CACNA1C: variants seen among roughly 807,000 people sequenced by gnomAD.
CACNA1C encodes the protein calcium voltage-gated channel subunit alpha1 C, also known as voltage-dependent L-type calcium channel subunit alpha-1C.
In CACNA1C, 30 loss-of-function variants were observed where a neutral mutation model predicts 229.0. The observed-to-expected ratio is 0.13, with a 90% CI of 0.10 to 0.18. CACNA1C has a LOEUF of 0.18. Ranked by LOEUF, CACNA1C falls within the 10% of genes least tolerant of loss-of-function variation. CACNA1C has a pLI of 1.00. For missense variants in CACNA1C, 1,658 were observed against 2,845.0 expected, an observed-to-expected ratio of 0.58 and a Z score of 9.49; for synonymous variants, 1,114 against 1,132.5, an observed-to-expected ratio of 0.98 and a Z score of 0.33.
At chr12:2,347,943 A>G (rs540309883) in intron 3 of CACNA1C, among the ~76,000 whole-genome samples, 2 of 152,366 alleles carry the variant, frequency 1.3e-5, no homozygotes, top group African/African-American at 4.8e-5. Context: ...AAGAGGGGCC[A>G]GGAGCGGGAG....
intron 3 of CACNA1C, among the ~76,000 whole-genome samples, chr12:2,239,217 G>C (rs1055959450): frequency 6.6e-6 from 1 of 152,174 alleles, no homozygotes; most frequent in Non-Finnish European, 1.5e-5. Flanking sequence ...CCAGAGAACT[G>C]TTTGGGAGAA....
intron 3 of CACNA1C, among the ~76,000 whole-genome samples, chr12:2,180,170 T>C (rs924490364): frequency 6.6e-6 from 1 of 152,258 alleles, no homozygotes; most frequent in Non-Finnish European, 1.5e-5. Context: ...GCCTTCATTC[T>C]GAGTAAACAC....
chr12:2,037,971 A>G (rs2049431721), intron 1 of CACNA1C, among the ~76,000 whole-genome samples: 1 of 152,082 alleles, frequency 6.6e-6, no homozygotes, highest in Non-Finnish European at 1.5e-5. Context: ...CAACGTTGTA[A>G]AGCAGGTGAG....
chr12:2,547,283 G>T (rs1047364728), intron 9 of CACNA1C, among the ~76,000 whole-genome samples: 2 of 152,146 alleles, frequency 1.3e-5, no homozygotes, highest in Admixed American at 1.3e-4. Flanking sequence ...ATGTTTTCCT[G>T]TATGTTTTGA....
Position 2,689,270 on chromosome 12 carries a change from C to G in CACNA1C, c.6117+491C>G, listed in dbSNP as rs1263211391. 1.3e-5 allele frequency among the ~76,000 whole-genome samples: 2 copies of G among 152,140 alleles called. No homozygotes were observed. The highest frequency in any genetic ancestry group is 1.5e-5 in the Non-Finnish European group (1 of 68,034). ...CCCACTGTGCTCTGCCTGGTCAGAG[C>G]ATCTAGTGCAATCCCGGCACCACAT... On this transcript the variant is annotated intron_variant, in intron 46 of 46. Coordinates refer to ENST00000399655, the MANE Select transcript of CACNA1C (RefSeq NM_000719.7). This position sits in a 1 kb window ranked among gnomAD's most constrained non-coding sequence, Gnocchi z 4.2.
At chr12:2,110,344 T>C (rs1378656573) in intron 1 of CACNA1C, among the ~76,000 whole-genome samples, 2 of 152,168 alleles carry the variant, frequency 1.3e-5, no homozygotes, top group African/African-American at 4.8e-5. Flanking sequence ...ATGAGGTCAC[T>C]GCTGGGGGCA....
intron 18 of CACNA1C, among the ~76,000 whole-genome samples, chr12:2,591,961 T>C (rs1285900807): frequency 1.3e-5 from 2 of 152,200 alleles, no homozygotes; most frequent in Non-Finnish European, 2.9e-5. Context: ...TCTCTGTGCC[T>C]GTCTTGATGA....
At chr12:2,663,173 C>T (rs1305541103) in intron 34 of CACNA1C, among the ~76,000 whole-genome samples, 1 of 152,016 alleles carries the variant, frequency 6.6e-6, no homozygotes, top group African/African-American at 2.4e-5. Flanking sequence ...CAAAATACAC[C>T]GTAAATAATA....
rs188183148 is a variant in CACNA1C at position 2,089,953 on chromosome 12, C to T, written c.50-25271C>T. On this transcript the variant is annotated intron_variant, in intron 1 of 46. Coordinates refer to ENST00000399655, the MANE Select transcript of CACNA1C (RefSeq NM_000719.7). ...CTGAGGCAGGAGAATGGCGTGAACCCGGGAGGCGGAGGTTGCGGTGAGCTG... is the reference window on the plus strand; with the variant it reads ...CTGAGGCAGGAGAATGGCGTGAACCTGGGAGGCGGAGGTTGCGGTGAGCTG... 3.7e-4 allele frequency among the ~76,000 whole-genome samples: 56 copies of T among 152,196 alleles called. No individual in the cohort carries two copies. In the South Asian group the frequency reaches 4.6e-3, roughly 12 times the overall value.
chr12:2,009,868 C>T (rs773641709), intron 1 of CACNA1C, among the ~76,000 whole-genome samples: 5 of 152,172 alleles, frequency 3.3e-5, no homozygotes, highest in Non-Finnish European at 5.9e-5. Context: ...AATGACCTCA[C>T]CTATACCCTG....
At chr12:2,058,166 G>A (rs1477799347) in intron 1 of CACNA1C, among the ~76,000 whole-genome samples, 1 of 152,014 alleles carries the variant, frequency 6.6e-6, no homozygotes, top group Non-Finnish European at 1.5e-5. Context: ...CATGAGGTCT[G>A]AGAAGCCCTT....
chr12:2,626,424 G>C (rs569249809), intron 29 of CACNA1C, among the ~76,000 whole-genome samples: 9 of 152,310 alleles, frequency 5.9e-5, no homozygotes, highest in African/African-American at 1.7e-4. Context: ...GGTTTTGAAG[G>C]CTGCCACAGA....
At chr12:2,180,035 C>T (rs982217641) in intron 3 of CACNA1C, among the ~76,000 whole-genome samples, 12 of 152,238 alleles carry the variant, frequency 7.9e-5, no homozygotes, top group South Asian at 6.2e-4. Flanking sequence ...CCTCCAACTG[C>T]CTCCTGAGCA....
chr12:2,451,435 G>A (rs964625033), intron 4 of CACNA1C, among the ~76,000 whole-genome samples: 5 of 152,214 alleles, frequency 3.3e-5, no homozygotes, highest in Non-Finnish European at 2.9e-5. Flanking sequence ...TTGCAGGGAC[G>A]AATTTTGTTT....
chr12:2,064,254 G>T (rs1489523614), intron 1 of CACNA1C, among the ~76,000 whole-genome samples: 1 of 152,208 alleles, frequency 6.6e-6, no homozygotes, highest in Non-Finnish European at 1.5e-5. Context: ...CAGGAAATTG[G>T]TGTTTGGCAA....
intron 3 of CACNA1C, among the ~76,000 whole-genome samples, chr12:2,229,519 A>G (rs1193727342): frequency 6.6e-6 from 1 of 152,214 alleles, no homozygotes; most frequent in Non-Finnish European, 1.5e-5. Context: ...GTAGAGAGAC[A>G]ATGAATAAAA....
intron 3 of CACNA1C, among the ~76,000 whole-genome samples, chr12:2,209,143 A>C (rs1428668365): frequency 6.6e-6 from 1 of 152,212 alleles, no homozygotes; most frequent in South Asian, 2.1e-4. Context: ...TGCCACTTCT[A>C]TCAGTAAGAC....
At chr12:2,673,128 G>A (rs2096636733) in intron 38 of CACNA1C, among the ~76,000 whole-genome samples, 1 of 152,292 alleles carries the variant, frequency 6.6e-6, no homozygotes, top group South Asian at 2.1e-4. Context: ...TAAACATCCC[G>A]TGTTGGTTTC....
chr12:2,678,829 GCTACTTGC>G lies in CACNA1C; in HGVS notation c.5092-613_5092-606del, dbSNP rs1231434296. On this transcript the variant is annotated intron_variant, in intron 41 of 46. Transcript: ENST00000399655. This position sits in a 1 kb window ranked among gnomAD's most constrained non-coding sequence, Gnocchi z 4.1. ...AAGGGTTGGAACAACCGTGCAAATA[GCTACTTGC>G]CCACTTCCCCAGGACAAGGAAAAGA... 1.3e-5 allele frequency among the ~76,000 whole-genome samples: 2 copies of G among 152,236 alleles called. No individual in the cohort carries two copies. The highest frequency in any genetic ancestry group is 4.8e-5 in the African/African-American group (2 of 41,470).
Sources: gnomAD v4.1 joint callset for allele counts (sites outside exome capture counted in the v4.1 genomes callset) on GRCh38, gnomAD v4.1.1 for gene constraint, Gnocchi (gnomAD v3.1) non-coding constraint, MANE v1.5 for transcripts, NCBI Gene and HGNC (gene_info 2026-07-23, HGNC 2026-07-21) for gene names.